The following ZFP1 variants were observed in gnomAD, a reference collection of about 807,000 sequenced individuals.
The protein encoded by ZFP1 is ZFP1 zinc finger protein.
Under a neutral mutation model 38.5 loss-of-function variants are expected in ZFP1, and 32 were observed. That is an observed-to-expected ratio of 0.83 (90% confidence interval 0.63 to 1.12). The LOEUF is 1.12. Among genes scored for constraint, ZFP1 ranks in the 50% most tolerant of loss-of-function variants. ZFP1 has a pLI of 0.00. For synonymous variants in ZFP1, 245 were observed against 168.8 expected, an observed-to-expected ratio of 1.45 and a Z score of -3.50; for missense variants, 616 against 480.8, an observed-to-expected ratio of 1.28 and a Z score of -2.63.
the ZFP1 span, among the ~76,000 whole-genome samples, chr16:75,123,320 C>G: frequency 2.0e-5 from 3 of 150,632 alleles, no homozygotes; most frequent in African/African-American, 7.3e-5. Flanking sequence ...TGCCACTGCA[C>G]TCCAGCCTGG....
chr16:75,151,104 C>T (rs2037181866), intron 1 of ZFP1, among the ~76,000 whole-genome samples: 1 of 151,830 alleles, frequency 6.6e-6, no homozygotes, highest in African/African-American at 2.4e-5. Flanking sequence ...AGCAGTCCAC[C>T]CACCTTTGCC....
chr16:75,135,209 C>CAAAAAAAAAAAAAAAAA, the ZFP1 span, among the ~76,000 whole-genome samples: 18 of 14,958 alleles, frequency 1.2e-3, 5 homozygotes, highest in Admixed American at 3.4e-3. Context: ...GACCTTATCT[C>CAAAAAAAAAAAAAAAAA]AAAAAAAAAA....
intron 2 of ZFP1, among the ~76,000 whole-genome samples, chr16:75,153,690 C>A (rs2037324050): frequency 6.6e-6 from 1 of 152,036 alleles, no homozygotes; most frequent in African/African-American, 2.4e-5. Context: ...AGTTGATGAG[C>A]CAATATTGAT....
the ZFP1 span, among the ~76,000 whole-genome samples, chr16:75,135,222 A>AAAAAAAAAAAAC: frequency 6.7e-6 from 1 of 149,552 alleles, no homozygotes; most frequent in Non-Finnish European, 1.5e-5. Flanking sequence ...AAAAAAAAAA[A>AAAAAAAAAAAAC]AAAAAAAAAA....
chr16:75,147,045 T>C (rs912188979), upstream of ZFP1, among the ~76,000 whole-genome samples: 2 of 151,512 alleles, frequency 1.3e-5, no homozygotes, highest in African/African-American at 4.9e-5. Flanking sequence ...AAGCAACATA[T>C]GTATGATTCC....
At chr16:75,147,671 G>A (rs2145482019), upstream of ZFP1, among the ~76,000 whole-genome samples, 1 of 152,174 alleles carries the variant, frequency 6.6e-6, no homozygotes, top group East Asian at 1.9e-4. Context: ...GAGGTTGTGT[G>A]TGCTGGGGGG....
chr16:75,142,714 ATT>A, the ZFP1 span, among the ~76,000 whole-genome samples: 2 of 152,006 alleles, frequency 1.3e-5, no homozygotes, highest in Non-Finnish European at 2.9e-5. Context: ...CTATATTTTT[ATT>A]TTTTGAGACA....
rs536567135 is a variant in ZFP1 at position 75,171,430 on chromosome 16, T to A, written c.*1096T>A. 1.3e-5 allele frequency: 2 copies of A among 152,362 alleles called. No individual in the cohort carries two copies. Among genetic ancestry groups the A allele is most frequent in the Admixed American group, 6.5e-5 (1 of 15,300 alleles). The allele number at this position is 152,362 out of a possible 1,614,324, so 9.4% of individuals were successfully genotyped here. A position where few individuals can be genotyped will look rare whatever the true frequency, so the allele number is the denominator to read the frequency against. ...ACTATTTTGTTGTTTAAAGGAGGCATTTCTACTTCCTTGAGTTTTGCTGTT... is the reference window on the plus strand; with the variant it reads ...ACTATTTTGTTGTTTAAAGGAGGCAATTCTACTTCCTTGAGTTTTGCTGTT... On this transcript the variant is annotated 3_prime_UTR_variant, in exon 4 of 4. Transcript: ENST00000570010.
intron 2 of ZFP1, among the ~76,000 whole-genome samples, chr16:75,156,764 A>T (rs773051249): frequency 1.3e-5 from 2 of 152,238 alleles, no homozygotes; most frequent in Non-Finnish European, 2.9e-5. Context: ...TCAGGAGTAG[A>T]TTAAAGCAGA....
chr16:75,142,356 A>G, the ZFP1 span, among the ~76,000 whole-genome samples: 1 of 147,690 alleles, frequency 6.8e-6, no homozygotes, highest in Admixed American at 6.7e-5. Context: ...ACAGAGCAAG[A>G]CTTCCTAAAA....
upstream of ZFP1, chr16:75,144,067 C>G (rs2036917232): frequency 6.6e-6 from 1 of 152,214 alleles, no homozygotes; most frequent in Non-Finnish European, 1.5e-5. Flanking sequence ...ACACCCGCTA[C>G]ACTTTCTCTT....
At chr16:75,163,406 G>C (rs759514343) in intron 2 of ZFP1, among the ~76,000 whole-genome samples, 1 of 151,464 alleles carries the variant, frequency 6.6e-6, no homozygotes, top group East Asian at 1.9e-4. Flanking sequence ...TTGCCTCCCG[G>C]GTTCAAGCAA....
intron 1 of ZFP1, among the ~76,000 whole-genome samples, chr16:75,149,562 T>G (rs1395748658): frequency 1.4e-5 from 2 of 138,844 alleles, no homozygotes; most frequent in African/African-American, 5.2e-5. Flanking sequence ...ACTTTCTTTT[T>G]TTTTTTTTTT....
chr16:75,167,434 T>C (rs554161929), intron 3 of ZFP1, among the ~76,000 whole-genome samples: 1 of 151,898 alleles, frequency 6.6e-6, no homozygotes, highest in South Asian at 2.1e-4. Context: ...GATATTTGCC[T>C]CTCACACTTG....
chr16:75,165,040 G>A (rs1042969268), intron 2 of ZFP1, among the ~76,000 whole-genome samples: 1 of 151,972 alleles, frequency 6.6e-6, no homozygotes, highest in African/African-American at 2.4e-5. Context: ...CATGACCTCA[G>A]GTGATCCACC....
intron 3 of ZFP1, 165 bp downstream of exon 3, chr16:75,167,061 C>T: frequency 1.5e-6 from 2 of 1,324,732 alleles, no homozygotes; most frequent in South Asian, 1.6e-5. Context: ...ATCTCCTTTC[C>T]TTTAAGGCTT....
At chr16:75,143,504 C>G (rs925946119), upstream of ZFP1, among the ~76,000 whole-genome samples, 3 of 152,124 alleles carry the variant, frequency 2.0e-5, no homozygotes, top group East Asian at 1.9e-4. Flanking sequence ...CCTTGGCCCC[C>G]CAAAGTGCTG....
chr16:75,156,679 T>C (rs1597050225), intron 2 of ZFP1, among the ~76,000 whole-genome samples: 1 of 152,090 alleles, frequency 6.6e-6, no homozygotes, highest in Non-Finnish European at 1.5e-5. Context: ...ATTGAATTTT[T>C]GGTACGAATA....
the ZFP1 span, among the ~76,000 whole-genome samples, chr16:75,137,298 G>A: frequency 1.8e-4 from 27 of 152,142 alleles, no homozygotes; most frequent in South Asian, 4.4e-3. Context: ...AAGTATTCAT[G>A]AGTCCATAGT....
Sources: allele counts gnomAD v4.1 joint callset (sites outside exome capture counted in the v4.1 genomes callset), GRCh38; gene constraint gnomAD v4.1.1; transcripts MANE v1.5; gene names NCBI Gene and HGNC (gene_info 2026-07-23, HGNC 2026-07-21).